NPAS3: variants seen among roughly 807,000 people sequenced by gnomAD.
NPAS3 encodes neuronal PAS domain protein 3.
A neutral mutation model predicts 73.1 loss-of-function variants in NPAS3; 14 were observed. The observed-to-expected ratio is 0.19, with a 90% CI of 0.13 to 0.30. NPAS3 has a LOEUF of 0.30. Ranked by LOEUF, NPAS3 falls within the 10% of genes least tolerant of loss-of-function variation. The pLI is 1.00. For synonymous variants in NPAS3, 620 were observed against 541.5 expected (o/e 1.14, Z -2.01); for missense variants, 1,096 against 1,250.0 (o/e 0.88, Z 1.86).
chr14:33,454,360 G>GCTTTTAAACATTATGGTTT (rs1360356507), intron 4 of NPAS3, among the ~76,000 whole-genome samples: 2 of 152,154 alleles, frequency 1.3e-5, no homozygotes, highest in African/African-American at 4.8e-5. Flanking sequence ...GAAGTAATTT[G>GCTTTTAAACATTATGGTTT]CTTTTAAACA....
At chr14:33,775,972 T>C (rs2062801592) in intron 8 of NPAS3, among the ~76,000 whole-genome samples, 2 of 152,204 alleles carry the variant, frequency 1.3e-5, no homozygotes. Flanking sequence ...CTTTGGGCAA[T>C]TTCAGCTAAG....
chr14:33,530,006 C>G (rs1006413235), intron 4 of NPAS3, among the ~76,000 whole-genome samples: 2 of 152,164 alleles, frequency 1.3e-5, no homozygotes, highest in Non-Finnish European at 2.9e-5. Flanking sequence ...GGCCTTGGAA[C>G]AGATGTCTCG....
At chr14:33,632,665 T>C (rs78287887) in intron 5 of NPAS3, among the ~76,000 whole-genome samples, 5,872 of 152,140 alleles carry the variant, frequency 0.039, 358 homozygotes, top group African/African-American at 0.13. Context: ...GCACAAGAGG[T>C]GCTGCTTTAC....
At chr14:33,111,654 TTTTTTTTTC>T (rs979094547) in intron 2 of NPAS3, among the ~76,000 whole-genome samples, 1 of 147,092 alleles carries the variant, frequency 6.8e-6, no homozygotes, top group African/African-American at 2.5e-5. Context: ...TTAAATTTTC[TTTTTTTTTC>T]TTTTTTTTTT....
At chr14:33,543,987 ATATATATATATATATC>A (rs2054652415) in intron 4 of NPAS3, among the ~76,000 whole-genome samples, 15 of 37,432 alleles carry the variant, frequency 4.0e-4, no homozygotes, top group South Asian at 1.4e-3. Context: ...ATATATATAT[ATATATATATATATATC>A]TATATCAGGA....
intron 5 of NPAS3, among the ~76,000 whole-genome samples, chr14:33,649,070 T>G (rs2058915700): frequency 6.6e-6 from 1 of 152,160 alleles, no homozygotes; most frequent in Non-Finnish European, 1.5e-5. Context: ...AAATTTGAGT[T>G]CATTCTAACC....
chr14:33,210,182 A>G (rs983085478), intron 2 of NPAS3, among the ~76,000 whole-genome samples: 3 of 152,186 alleles, frequency 2.0e-5, no homozygotes, highest in Non-Finnish European at 4.4e-5. Context: ...ACCACAAAGG[A>G]TAACTTACCT....
intron 5 of NPAS3, among the ~76,000 whole-genome samples, chr14:33,594,065 T>A (rs927364331): frequency 6.6e-6 from 1 of 152,214 alleles, no homozygotes; most frequent in African/African-American, 2.4e-5. Flanking sequence ...TGGCACCTTC[T>A]TAGAGCTAAA....
intron 3 of NPAS3, among the ~76,000 whole-genome samples, chr14:33,350,737 G>A (rs2045000981): frequency 6.6e-6 from 1 of 152,204 alleles, no homozygotes. Context: ...CTGCTGTAAT[G>A]CTTTGCGGCT....
intron 4 of NPAS3, among the ~76,000 whole-genome samples, chr14:33,392,125 C>T (rs1009938537): frequency 3.9e-5 from 6 of 152,160 alleles, no homozygotes; most frequent in Non-Finnish European, 7.4e-5. Context: ...AGGATTATCT[C>T]AGTAGTTAAA....
intron 1 of NPAS3, among the ~76,000 whole-genome samples, chr14:33,009,020 CTG>C (rs2039095096): frequency 6.6e-6 from 1 of 152,132 alleles, no homozygotes; most frequent in Non-Finnish European, 1.5e-5. Flanking sequence ...TAAAATGTGA[CTG>C]TTATAGACTA....
At position 33,348,449 on chromosome 14, in the gene NPAS3, G is replaced by A. The variant is rs533984134; in HGVS notation, c.386-18737G>A. Reference sequence around the variant, plus strand: ...GATATTACTGAAAAGTAATATCGACGTAGCAAACCTTCTGAAGAGAGTGCT... The same window carrying A: ...GATATTACTGAAAAGTAATATCGACATAGCAAACCTTCTGAAGAGAGTGCT... On this transcript the variant is annotated intron_variant, in intron 3 of 11. Coordinates refer to ENST00000356141, the Ensembl canonical transcript of NPAS3. Among the ~76,000 whole-genome samples, 15 of 152,224 alleles carry A rather than the reference G, an allele frequency of 9.9e-5. No homozygotes were observed. In the East Asian group the frequency reaches 2.1e-3, roughly 22 times the overall value.
intron 5 of NPAS3, chr14:33,583,489 A>G (rs1182250072): frequency 6.6e-6 from 1 of 152,210 alleles, no homozygotes; most frequent in Non-Finnish European, 1.5e-5. Context: ...AGTAAACGAT[A>G]TATGTAATAA....
Position 33,638,306 on chromosome 14 carries a change from CT to C in NPAS3, c.559-37904del, listed in dbSNP as rs1359063625. 2.0e-5 allele frequency among the ~76,000 whole-genome samples: 3 copies of C among 152,308 alleles called. No individual in the cohort carries two copies. The East Asian group carries it at 5.8e-4, about 29-fold the overall frequency. On this transcript the variant is annotated intron_variant, in intron 5 of 11. Transcript: ENST00000356141. ...ATATAATGGGCTGCTGGTCCTCCAT[CT>C]GCTTCTATCAAACCATGGCTGGCTG...
At chr14:33,138,724 A>G (rs2043932609) in intron 2 of NPAS3, among the ~76,000 whole-genome samples, 1 of 152,210 alleles carries the variant, frequency 6.6e-6, no homozygotes, top group South Asian at 2.1e-4. Context: ...TGTGTGCTGT[A>G]AACATAAAAT....
chr14:33,051,848 C>G (rs1359548948), intron 1 of NPAS3, among the ~76,000 whole-genome samples: 1 of 152,162 alleles, frequency 6.6e-6, no homozygotes, highest in Admixed American at 6.5e-5. Flanking sequence ...CAACCTCCAC[C>G]TCCCGGGTTC....
intron 5 of NPAS3, among the ~76,000 whole-genome samples, chr14:33,641,015 G>A (rs1470881348): frequency 6.6e-6 from 1 of 151,962 alleles, no homozygotes; most frequent in Non-Finnish European, 1.5e-5. Flanking sequence ...ATAGGATAAC[G>A]GGTGATTTTT....
chr14:33,420,973 G>A (rs2048338949), intron 4 of NPAS3, among the ~76,000 whole-genome samples: 1 of 151,920 alleles, frequency 6.6e-6, no homozygotes, highest in East Asian at 1.9e-4. Flanking sequence ...GGCAAGAGGA[G>A]CTCATTGAGC....
Position 33,558,747 on chromosome 14 carries a change from G to C in NPAS3, c.469-1374G>C, listed in dbSNP as rs765879516. ...CACATATTTCTAACTAAATTTACAC[G>C]CTTCTTCCACCTTTCTATATTTTAC... is the stretch of plus-strand genomic sequence containing the variant. On this transcript the variant is annotated intron_variant, in intron 4 of 11. Transcript: ENST00000356141. Among the ~76,000 whole-genome samples, 24 of 151,630 alleles carry C rather than the reference G, an allele frequency of 1.6e-4. 1 individual carries two copies. The highest frequency in any genetic ancestry group is 3.5e-4 in the Non-Finnish European group (24 of 67,958).
Sources: allele counts gnomAD v4.1 joint callset (sites outside exome capture counted in the v4.1 genomes callset), GRCh38; gene constraint gnomAD v4.1.1; transcripts MANE v1.5; gene names NCBI Gene and HGNC (gene_info 2026-07-23, HGNC 2026-07-21).